Variants in ACSM4 observed in about 807,000 individuals in gnomAD.
The protein encoded by ACSM4 is acyl-CoA synthetase medium chain family member 4.
ACSM4 carries 66 observed loss-of-function variants against 73.0 expected under a neutral mutation model. That is an observed-to-expected ratio of 0.90 (90% CI 0.74 to 1.11). ACSM4 has a LOEUF of 1.11. Ranked by LOEUF, ACSM4 falls within the 50% of genes least tolerant of loss-of-function variation. The probability of loss-of-function intolerance (pLI) is 0.00; values close to 1 mark genes in which losing one functional copy is unlikely to be tolerated. For missense variants in ACSM4, 645 were observed against 714.4 expected (o/e 0.90, Z 1.11); for synonymous variants, 222 against 254.0 (o/e 0.87, Z 1.20).
chr12:7,316,706 G>T (rs867415183), intron 3 of ACSM4, among the ~76,000 whole-genome samples: 1 of 152,076 alleles, frequency 6.6e-6, no homozygotes, highest in Non-Finnish European at 1.5e-5. Flanking sequence ...TTAAAAGTTT[G>T]AATCAAATGC....
chr12:7,328,629 G>T lies in ACSM4; in HGVS notation c.*256G>T. ...TGATTTGTAGTGTTTAAAATAGCAG[G>T]AATAAAATGATTGCTTAGAACAAGA... On this transcript the variant is annotated 3_prime_UTR_variant, in exon 13 of 13. Coordinates refer to ENST00000399422, the MANE Select transcript of ACSM4 (RefSeq NM_001080454.2). The T allele has an allele frequency of 4.5e-6, 1 of 224,704 alleles. No homozygotes were observed. The allele number at this position is 224,704 out of a possible 1,614,324, so 13.9% of individuals were successfully genotyped here.
chr12:7,313,637 T>C (rs1267201652), intron 3 of ACSM4, among the ~76,000 whole-genome samples: 1 of 152,190 alleles, frequency 6.6e-6, no homozygotes, highest in Non-Finnish European at 1.5e-5. Flanking sequence ...TCTGTCCTAG[T>C]ACAAAGGACC....
At chr12:7,314,589 A>ATAGG (rs1008109733) in intron 3 of ACSM4, among the ~76,000 whole-genome samples, 1 of 151,916 alleles carries the variant, frequency 6.6e-6, no homozygotes, top group African/African-American at 2.4e-5. Context: ...TAGATGAAAG[A>ATAGG]TAGGTAGGTA....
In ACSM4 at chr12:7,328,476, C is replaced by T; in HGVS notation, c.*103C>T. On this transcript the variant is annotated 3_prime_UTR_variant, in exon 13 of 13. Transcript: ENST00000399422. ...CTCTCTTAAAATGTTTAAGATCTTT[C>T]CTGCTTGAAAACTCAACTGTTGATT... The T allele has an allele frequency of 1.1e-6, 1 of 921,242 alleles. No homozygotes were observed. The highest frequency in any genetic ancestry group is 3.6e-5 in the East Asian group (1 of 27,860). 57.1% of individuals were successfully genotyped at this position (921,242 alleles called of 1,614,324 possible). A position where few individuals can be genotyped will look rare whatever the true frequency, so the allele number is the denominator to read the frequency against.
chr12:7,320,002 C>T (rs565968654), intron 5 of ACSM4, among the ~76,000 whole-genome samples: 20 of 152,248 alleles, frequency 1.3e-4, no homozygotes, highest in South Asian at 2.1e-4. Context: ...GCTTACTTAC[C>T]GATCAAACAT....
chr12:7,310,759 C>G lies in ACSM4; in HGVS notation c.620+13C>G. ...AGGAGTTATTTCAGTGAGTATTTTT[C>G]CCAGCCAATCTACACTGCTGGCAAC... On this transcript the variant is annotated intron_variant, in intron 3 of 12. Transcript: ENST00000399422. The G allele has an allele frequency of 6.2e-7, 1 of 1,607,680 alleles. No homozygotes were observed. Among genetic ancestry groups the G allele is most frequent in the Non-Finnish European group, 8.5e-7 (1 of 1,176,950 alleles).
intron 7 of ACSM4, among the ~76,000 whole-genome samples, 195 bp from the exon 8 acceptor site, chr12:7,323,039 C>T (rs79302365): frequency 6.6e-6 from 1 of 152,292 alleles, no homozygotes; most frequent in East Asian, 1.9e-4. Flanking sequence ...TGTGTTTCAA[C>T]AATGTTCCAG....
At chr12:7,308,452 T>C (rs1946372784) in intron 2 of ACSM4, among the ~76,000 whole-genome samples, 1 of 152,210 alleles carries the variant, frequency 6.6e-6, no homozygotes, top group African/African-American at 2.4e-5. Context: ...AAATTGTTTG[T>C]ACTATATCAC....
Position 7,322,606 on chromosome 12 carries a change from G to A in ACSM4, c.1125+65G>A, listed in dbSNP as rs1946472520. On this transcript the variant is annotated intron_variant, in intron 7 of 12. Coordinates refer to ENST00000399422, the MANE Select transcript of ACSM4 (RefSeq NM_001080454.2). ...CCTTTCTGCCCCAGGTTTTTCAACT[G>A]AGCCCCTGAAGTGCCCCCATCCCAC... The A allele has an allele frequency of 4.6e-6, 7 of 1,536,278 alleles. No individual in the cohort carries two copies. In the African/African-American group the frequency reaches 5.5e-5, roughly 12 times the overall value.
Position 7,318,324 on chromosome 12 carries a change from C to T in ACSM4, c.921+142C>T, listed in dbSNP as rs1946436545. ...TTATACAAAGCAAAGTCTCAAGGGC[C>T]TCAGCTTTTGAAACGTATTTGACAG... On this transcript the variant is annotated intron_variant, in intron 5 of 12. Coordinates refer to ENST00000399422, the MANE Select transcript of ACSM4 (RefSeq NM_001080454.2). 5.5e-6 allele frequency: 6 copies of T among 1,081,322 alleles called. No individual in the cohort carries two copies. In the Admixed American group the frequency reaches 8.8e-5, roughly 16 times the overall value. 67.0% of individuals were successfully genotyped at this position (1,081,322 alleles called of 1,614,324 possible). A position where few individuals can be genotyped will look rare whatever the true frequency, so the allele number is the denominator to read the frequency against.
intron 3 of ACSM4, among the ~76,000 whole-genome samples, chr12:7,314,726 G>A (rs1418349321): frequency 2.0e-5 from 3 of 152,092 alleles, no homozygotes; most frequent in Non-Finnish European, 2.9e-5. Context: ...CTCCCCACAG[G>A]TATTAGATTC....
chr12:7,315,417 C>G (rs1225660358), intron 3 of ACSM4, among the ~76,000 whole-genome samples: 1 of 151,904 alleles, frequency 6.6e-6, no homozygotes, highest in African/African-American at 2.4e-5. Flanking sequence ...TCGAGACCAG[C>G]CTCGCCAACA....
Position 7,306,677 on chromosome 12 carries a change from C to A in ACSM4, c.346C>A (p.Arg116Ser), listed in dbSNP as rs377381847. 1 of 1,611,250 alleles carries A rather than the reference C, an allele frequency of 6.2e-7. No individual in the cohort carries two copies. Among genetic ancestry groups the A allele is most frequent in the South Asian group, 1.1e-5 (1 of 90,234 alleles). The change falls in exon 2 of 13, where the codon CGT becomes AGT. Residue 116 changes from arginine (R) to serine (S), a missense_variant. Transcript: ENST00000399422. ...GCCCTGTGGCCTGCAGAGAGGAGAC[C>A]GTTTGGCCGTGATTCTGCCCAGAAT... Reference protein sequence around the residue: ...TKPCGLQRGDRLAVILPRIPE... With the variant: ...TKPCGLQRGDSLAVILPRIPE...
At chr12:7,305,921 G>A (rs1222768757) in intron 1 of ACSM4, among the ~76,000 whole-genome samples, 1 of 152,142 alleles carries the variant, frequency 6.6e-6, no homozygotes, top group Admixed American at 6.5e-5. Context: ...AGAATGATGG[G>A]GAAGAAGTTA....
At chr12:7,319,008 T>C (rs1289402771) in intron 5 of ACSM4, among the ~76,000 whole-genome samples, 1 of 152,178 alleles carries the variant, frequency 6.6e-6, no homozygotes, top group Non-Finnish European at 1.5e-5. Context: ...TACATTACAT[T>C]TATTGTGTAC....
intron 6 of ACSM4, among the ~76,000 whole-genome samples, 180 bp downstream of exon 6, chr12:7,320,984 T>C (rs1946459369): frequency 6.6e-6 from 1 of 152,212 alleles, no homozygotes; most frequent in African/African-American, 2.4e-5. Context: ...TTGAGCAGCA[T>C]CTCAAGACTC....
chr12:7,323,097 T>C, intron 7 of ACSM4, 137 bp from the exon 8 acceptor site: 1 of 763,344 alleles, frequency 1.3e-6, no homozygotes, highest in Non-Finnish European at 2.1e-6. Context: ...GAACTACTGG[T>C]TTCAAATAAT....
At chr12:7,318,272 C>T (rs1946436193) in intron 5 of ACSM4, 90 bp downstream of exon 5, 5 of 1,486,450 alleles carry the variant, frequency 3.4e-6, no homozygotes, top group African/African-American at 1.4e-5. Context: ...GAATACAAGG[C>T]TTCTTGGGCT....
chr12:7,304,672 C>A, intron 1 of ACSM4, 140 bp downstream of exon 1: 2 of 910,052 alleles, frequency 2.2e-6, no homozygotes, highest in Non-Finnish European at 3.3e-6. Flanking sequence ...TCCAATTGCC[C>A]TCCCCTCTCC....
Sources: gnomAD v4.1 joint callset for allele counts (sites outside exome capture counted in the v4.1 genomes callset) on GRCh38, gnomAD v4.1.1 for gene constraint, MANE v1.5 for transcripts, NCBI Gene and HGNC (gene_info 2026-07-23, HGNC 2026-07-21) for gene names.